Variants in RIT2 observed in about 807,000 individuals in gnomAD.
RIT2 encodes Ras like without CAAX 2.
RIT2 carries 24 observed loss-of-function variants against 23.7 expected under a neutral mutation model. That is an observed-to-expected ratio of 1.01 (90% CI 0.73 to 1.43). The LOEUF (loss-of-function observed/expected upper bound fraction) is 1.43, where lower values mean the gene tolerates loss of function less well. Among genes scored for constraint, RIT2 ranks in the 40% most tolerant of loss-of-function variants. The pLI is 0.00. For synonymous variants in RIT2, 107 were observed against 91.1 expected (o/e 1.17, Z -0.99); for missense variants, 236 against 266.9 (o/e 0.88, Z 0.81).
At chr18:42,998,411 A>G (rs1911034009) in intron 2 of RIT2, among the ~76,000 whole-genome samples, 1 of 152,124 alleles carries the variant, frequency 6.6e-6, no homozygotes. Flanking sequence ...TGTTTGTGGA[A>G]CATAACCCTC....
chr18:43,060,441 A>T (rs1474959545), intron 1 of RIT2, among the ~76,000 whole-genome samples: 1 of 152,134 alleles, frequency 6.6e-6, no homozygotes, highest in Non-Finnish European at 1.5e-5. Context: ...AATCCAGCAG[A>T]TAAAATTGCA....
chr18:42,984,481 T>A (rs1402286764), intron 2 of RIT2, among the ~76,000 whole-genome samples: 1 of 152,070 alleles, frequency 6.6e-6, no homozygotes, highest in Admixed American at 6.6e-5. Flanking sequence ...GTTTTGACTA[T>A]CAATATCAAT....
chr18:43,083,419 C>A (rs1011151468), intron 1 of RIT2, among the ~76,000 whole-genome samples: 1 of 152,076 alleles, frequency 6.6e-6, no homozygotes, highest in Non-Finnish European at 1.5e-5. Context: ...CCCATATATC[C>A]AAGACAATCC....
At chr18:42,997,301 C>T (rs1418216333) in intron 2 of RIT2, among the ~76,000 whole-genome samples, 1 of 151,764 alleles carries the variant, frequency 6.6e-6, no homozygotes, top group East Asian at 1.9e-4. Context: ...TTTTCCTGTT[C>T]CCTTCCCTCC....
intron 4 of RIT2, among the ~76,000 whole-genome samples, chr18:42,771,189 G>T (rs1913543914): frequency 6.6e-6 from 1 of 151,904 alleles, no homozygotes; most frequent in Admixed American, 6.6e-5. Flanking sequence ...ACTTCCCTTA[G>T]CTAGACATGT....
At chr18:43,062,817 C>G (rs1177039630) in intron 1 of RIT2, among the ~76,000 whole-genome samples, 2 of 152,092 alleles carry the variant, frequency 1.3e-5, no homozygotes, top group Non-Finnish European at 2.9e-5. Context: ...GTAATTCTGA[C>G]ACGCAAATGG....
chr18:42,887,362 G>T (rs1908049265), intron 4 of RIT2, among the ~76,000 whole-genome samples: 2 of 152,140 alleles, frequency 1.3e-5, no homozygotes, highest in South Asian at 4.1e-4. Context: ...ACAATGATTT[G>T]CATATGTGAT....
rs565914546 is a variant in RIT2 at position 42,982,057 on chromosome 18, A to C, written c.161-7910T>G. ...ATGTCTGAAGAGCTGAGATCTCAAG[A>C]AATTTTATATTTCACAAATGCAGAT... On this transcript the variant is annotated intron_variant, in intron 2 of 4. Coordinates refer to ENST00000326695, the MANE Select transcript of RIT2 (RefSeq NM_002930.4). Among the ~76,000 whole-genome samples the C allele has an allele frequency of 3.3e-5, 5 of 152,284 alleles. No individual in the cohort carries two copies. The East Asian group carries it at 9.7e-4, about 30-fold the overall frequency.
intron 4 of RIT2, among the ~76,000 whole-genome samples, chr18:42,812,106 G>C (rs1212452254): frequency 6.6e-6 from 1 of 152,060 alleles, no homozygotes; most frequent in Admixed American, 6.6e-5. Flanking sequence ...AGAAATTATT[G>C]GTGCTGTTCA....
chr18:42,781,629 A>G (rs1057508178), intron 4 of RIT2, among the ~76,000 whole-genome samples: 5 of 152,164 alleles, frequency 3.3e-5, no homozygotes, highest in African/African-American at 1.2e-4. Context: ...TAGCTGGGTT[A>G]TTGGTAAATA....
At chr18:43,050,637 C>G (rs995353375) in intron 1 of RIT2, among the ~76,000 whole-genome samples, 1 of 152,054 alleles carries the variant, frequency 6.6e-6, no homozygotes, top group Non-Finnish European at 1.5e-5. Context: ...CCCTTCTGTC[C>G]TCCATCTGCC....
intron 4 of RIT2, among the ~76,000 whole-genome samples, chr18:42,774,283 C>T (rs1913615893): frequency 6.6e-6 from 1 of 151,840 alleles, no homozygotes; most frequent in Admixed American, 6.6e-5. Context: ...TTGCTTTTTC[C>T]CCCACTCTCC....
intron 1 of RIT2, among the ~76,000 whole-genome samples, chr18:43,070,082 C>T (rs1284919215): frequency 1.3e-5 from 2 of 152,022 alleles, no homozygotes; most frequent in Non-Finnish European, 2.9e-5. Flanking sequence ...ATGAGCAAAG[C>T]AAGGAAAGTA....
intron 3 of RIT2, among the ~76,000 whole-genome samples, chr18:42,946,761 G>T (rs754322138): frequency 2.0e-5 from 3 of 151,966 alleles, no homozygotes; most frequent in Non-Finnish European, 4.4e-5. Flanking sequence ...TTAAGGTAAA[G>T]TACTCTGCTA....
intron 3 of RIT2, among the ~76,000 whole-genome samples, chr18:42,935,052 A>G (rs1435498221): frequency 1.4e-5 from 2 of 145,666 alleles, no homozygotes; most frequent in African/African-American, 2.6e-5. Flanking sequence ...ACAAATAGAA[A>G]AAGTCAGAGT....
chr18:42,749,696 A>G (rs925477490), intron 4 of RIT2, among the ~76,000 whole-genome samples: 2 of 151,840 alleles, frequency 1.3e-5, no homozygotes, highest in African/African-American at 4.8e-5. Flanking sequence ...TTGTCCCAAT[A>G]TATCAGAAAT....
chr18:42,786,268 A>C (rs1165453980), intron 4 of RIT2, among the ~76,000 whole-genome samples: 1 of 152,140 alleles, frequency 6.6e-6, no homozygotes, highest in African/African-American at 2.4e-5. Context: ...CCTGTACACA[A>C]GGGGTCTGAA....
chr18:42,969,417 C>T (rs16977169), intron 3 of RIT2, among the ~76,000 whole-genome samples: 13,948 of 152,048 alleles, frequency 0.092, 716 homozygotes, highest in East Asian at 0.18. Flanking sequence ...AAATTAAGCT[C>T]GTAGTAATTC....
chr18:43,081,124 A>T, intron 1 of RIT2, among the ~76,000 whole-genome samples: 1 of 152,130 alleles, frequency 6.6e-6, no homozygotes, highest in East Asian at 1.9e-4. Context: ...TAAGTCATTG[A>T]TATACTAATT....
Sources: allele counts gnomAD v4.1 joint callset (sites outside exome capture counted in the v4.1 genomes callset), GRCh38; gene constraint gnomAD v4.1.1; transcripts MANE v1.5; gene names NCBI Gene and HGNC (gene_info 2026-07-23, HGNC 2026-07-21).